The following CARS2 variants were observed in gnomAD, a reference collection of about 807,000 sequenced individuals.
CARS2 encodes probable cysteine--tRNA ligase, mitochondrial.
Under a neutral mutation model 68.8 loss-of-function variants are expected in CARS2, and 52 were observed. The ratio of observed to expected loss-of-function variants is 0.76; its 90% CI spans 0.61 to 0.95. CARS2 has a LOEUF of 0.95. CARS2 is among the 40% of genes least tolerant of loss of function. CARS2 has a pLI of 0.00. For missense variants in CARS2, 780 were observed against 754.2 expected, an observed-to-expected ratio of 1.03 and a Z score of -0.40; for synonymous variants, 314 against 303.6, an observed-to-expected ratio of 1.03 and a Z score of -0.36.
chr13:110,683,625 C>A (rs189621953), intron 5 of CARS2, among the ~76,000 whole-genome samples: 124 of 152,298 alleles, frequency 8.1e-4, no homozygotes, highest in Non-Finnish European at 1.3e-3. Context: ...CAACAGCTAA[C>A]AAAGACACTC....
intron 9 of CARS2, among the ~76,000 whole-genome samples, chr13:110,656,569 C>T (rs2986087): frequency 0.28 from 42,977 of 151,910 alleles, 6,772 homozygotes; most frequent in African/African-American, 0.39. Flanking sequence ...ATGGATGTGG[C>T]GTTTCTTTTT....
chr13:110,659,234 C>T (rs2062443998), intron 9 of CARS2, among the ~76,000 whole-genome samples: 1 of 152,108 alleles, frequency 6.6e-6, no homozygotes, highest in Non-Finnish European at 1.5e-5. Flanking sequence ...ATATGCCTCC[C>T]TGGCATACAG....
At position 110,668,312 on chromosome 13, in the gene CARS2, G is replaced by C. The variant is rs1327578554; in HGVS notation, c.786-839C>G. Among the ~76,000 whole-genome samples the C allele has an allele frequency of 6.6e-6, 1 of 152,190 alleles. No homozygotes were observed. Among genetic ancestry groups the C allele is most frequent in the African/African-American group, 2.4e-5 (1 of 41,432 alleles). On this transcript the variant is annotated intron_variant, in intron 7 of 14. Coordinates refer to ENST00000257347, the MANE Select transcript of CARS2 (RefSeq NM_024537.4). This position sits in a 1 kb window ranked among gnomAD's most constrained non-coding sequence, Gnocchi z 4.1. ...TAAACACAGCACTTTGGGAGGCTGAGGCAGGCGGATCACAAGGTCAGGAGA... is the reference window on the plus strand; with the variant it reads ...TAAACACAGCACTTTGGGAGGCTGACGCAGGCGGATCACAAGGTCAGGAGA...
rs1268885431 is a variant in CARS2 at position 110,653,743 on chromosome 13, T to G, written c.988-2643A>C. 6.6e-6 allele frequency among the ~76,000 whole-genome samples: 1 copy of G among 152,216 alleles called. No individual in the cohort carries two copies. Among genetic ancestry groups the G allele is most frequent in the Non-Finnish European group, 1.5e-5 (1 of 68,044 alleles). ...TAATAGAAATCTGGAATCTAATCTT[T>G]CTAGAGCATTGAGTTTATACGGACT... On this transcript the variant is annotated intron_variant, in intron 9 of 14. Coordinates refer to ENST00000257347, the MANE Select transcript of CARS2 (RefSeq NM_024537.4). This position sits in a 1 kb window ranked among gnomAD's most constrained non-coding sequence, Gnocchi z 5.6.
At chr13:110,694,306 G>A (rs761737674) in intron 3 of CARS2, among the ~76,000 whole-genome samples, 2 of 151,364 alleles carry the variant, frequency 1.3e-5, no homozygotes, top group African/African-American at 2.4e-5. Flanking sequence ...GATTACAGGC[G>A]TGAGCCACCG....
chr13:110,711,186 T>C (rs1031219510), upstream of CARS2, among the ~76,000 whole-genome samples: 1 of 152,176 alleles, frequency 6.6e-6, no homozygotes, highest in African/African-American at 2.4e-5. Context: ...ACATAATGTT[T>C]GTTTCCACAT....
rs545922750 is a variant in CARS2, at chr13:110,696,340, C to T, written c.393+5098G>A. The stretch of plus-strand genomic sequence containing the variant: ...TTCTGGTTCTAGATCCTTGAGGAAT[C>T]GCAACACTGTCTTCCACAATGGTTG... On this transcript the variant is annotated intron_variant, in intron 3 of 14. Transcript: ENST00000257347. 6.6e-5 allele frequency among the ~76,000 whole-genome samples: 10 copies of T among 152,302 alleles called. No individual in the cohort carries two copies. In the East Asian group the frequency reaches 1.7e-3, roughly 26 times the overall value.
Position 110,684,715 on chromosome 13 carries a change from G to A in CARS2, c.572-1581C>T, listed in dbSNP as rs533854258. Among the ~76,000 whole-genome samples the A allele has an allele frequency of 3.5e-4, 53 of 151,878 alleles. No homozygotes were observed. In the South Asian group the frequency reaches 1.0e-2, roughly 29 times the overall value. ...CAGGAGGGGGACATCCAGGCCCTGG[G>A]AGCTGCTTTCTATGAAGTCAGAATA... On this transcript the variant is annotated intron_variant, in intron 5 of 14. Transcript: ENST00000257347.
At chr13:110,661,240 G>C (rs1301457512) in intron 9 of CARS2, among the ~76,000 whole-genome samples, 1 of 152,198 alleles carries the variant, frequency 6.6e-6, no homozygotes, top group Non-Finnish European at 1.5e-5. Context: ...TCTTCCAATA[G>C]AAGGCAATTT....
At chr13:110,647,298 T>C in intron 10 of CARS2, 59 bp from the exon 11 acceptor site, 1 of 1,568,598 alleles carries the variant, frequency 6.4e-7, no homozygotes. Flanking sequence ...CCTGCCCTGG[T>C]CCAGCAGAAT....
chr13:110,680,359 C>G (rs1358001741), intron 6 of CARS2, among the ~76,000 whole-genome samples: 1 of 152,174 alleles, frequency 6.6e-6, no homozygotes, highest in Admixed American at 6.5e-5. Flanking sequence ...TGCCACTGCA[C>G]TCCAGCCTGG....
At chr13:110,697,469 G>A (rs1428046242) in intron 3 of CARS2, among the ~76,000 whole-genome samples, 1 of 152,214 alleles carries the variant, frequency 6.6e-6, no homozygotes, top group Admixed American at 6.5e-5. Flanking sequence ...TAGAGACAGA[G>A]TCTCACCCTG....
At chr13:110,684,235 G>A (rs1037706427) in intron 5 of CARS2, among the ~76,000 whole-genome samples, 1 of 152,170 alleles carries the variant, frequency 6.6e-6, no homozygotes, top group Non-Finnish European at 1.5e-5. Context: ...CTGTCCTCAG[G>A]CCCCAGGCGT....
intron 9 of CARS2, among the ~76,000 whole-genome samples, chr13:110,662,452 T>G (rs2062537257): frequency 6.6e-6 from 1 of 152,260 alleles, no homozygotes; most frequent in African/African-American, 2.4e-5. Context: ...CCTTCCTCTG[T>G]GTCATGCAAC....
At chr13:110,691,584 C>T (rs530789732) in intron 3 of CARS2, among the ~76,000 whole-genome samples, 3 of 152,218 alleles carry the variant, frequency 2.0e-5, no homozygotes, top group African/African-American at 4.8e-5. Context: ...GCGGCTATGA[C>T]GCCTCTATCT....
Position 110,676,814 on chromosome 13 carries a change from G to A in CARS2, c.785+160C>T, listed in dbSNP as rs139643538. The stretch of plus-strand genomic sequence containing the variant: ...ATGTGTCATGGGTTTCGTTCACCCC[G>A]TTCCATGGCCCGTCACACTCCGGCA... On this transcript the variant is annotated intron_variant, in intron 7 of 14. Transcript: ENST00000257347. This position sits in a 1 kb window ranked among gnomAD's most constrained non-coding sequence, Gnocchi z 4.0. Among the ~76,000 whole-genome samples, 2 of 152,124 alleles carry A rather than the reference G, an allele frequency of 1.3e-5. No individual in the cohort carries two copies. The highest frequency in any genetic ancestry group is 6.6e-5 in the Admixed American group (1 of 15,248).
intron 8 of CARS2, chr13:110,664,879 A>C: frequency 1.9e-6 from 1 of 524,624 alleles, no homozygotes; most frequent in South Asian, 8.3e-5. Flanking sequence ...CGAGACACCG[A>C]GTCTGCCAGT....
upstream of CARS2, among the ~76,000 whole-genome samples, chr13:110,708,962 C>T (rs2064004726): frequency 6.6e-6 from 1 of 152,060 alleles, no homozygotes; most frequent in Admixed American, 6.6e-5. Flanking sequence ...TCATGTTGGC[C>T]AGGCTGGTCT....
chr13:110,649,043 G>T (rs911119270), intron 10 of CARS2: 1 of 152,260 alleles, frequency 6.6e-6, no homozygotes, highest in African/African-American at 2.4e-5. Context: ...GCCTCTGCCC[G>T]TTTCCAGCAA....
Sources: allele counts gnomAD v4.1 joint callset (sites outside exome capture counted in the v4.1 genomes callset), GRCh38; gene constraint gnomAD v4.1.1; non-coding constraint Gnocchi (gnomAD v3.1); transcripts MANE v1.5; gene names NCBI Gene and HGNC (gene_info 2026-07-23, HGNC 2026-07-21).